LCOR: variants seen among roughly 807,000 people sequenced by gnomAD.
The protein encoded by LCOR is ligand dependent nuclear receptor corepressor.
A neutral mutation model predicts 64.4 loss-of-function variants in LCOR; 14 were observed. The observed-to-expected ratio is 0.22, with a 90% CI of 0.14 to 0.34. The LOEUF is 0.34. Among genes scored for constraint, LCOR ranks in the 10% least tolerant of loss-of-function variants. The probability of loss-of-function intolerance (pLI) is 1.00; values close to 1 mark genes in which losing one functional copy is unlikely to be tolerated. For synonymous variants in LCOR, 643 were observed against 642.5 expected, an observed-to-expected ratio of 1.00 and a Z score of -0.01; for missense variants, 1,686 against 1,765.3, an observed-to-expected ratio of 0.96 and a Z score of 0.80.
chr10:96,956,624 A>G (rs1425200688), intron 7 of LCOR: 1 of 985,760 alleles, frequency 1.0e-6, no homozygotes, highest in Non-Finnish European at 1.2e-6. Context: ...GAAATGCTTC[A>G]GTTAATTACT....
intron 2 of LCOR, among the ~76,000 whole-genome samples, chr10:96,872,422 G>A (rs1432011541): frequency 6.6e-6 from 1 of 152,248 alleles, no homozygotes; most frequent in African/African-American, 2.4e-5. Context: ...GCTGGGTGTG[G>A]TGGCTCACAC....
rs1848206274 is a variant in LCOR, at chr10:96,992,142, A to T, written c.*7008A>T. ...TACCACAGGTAGGGATTATTTTTAG[A>T]GTCACTATAGCTTAAGGTTATTGAT... On this transcript the variant is annotated 3_prime_UTR_variant, in exon 8 of 8. Coordinates refer to ENST00000421806, the MANE Select transcript of LCOR (RefSeq NM_001346516.2). The T allele has an allele frequency of 6.6e-6, 1 of 152,038 alleles. No individual in the cohort carries two copies. Among genetic ancestry groups the T allele is most frequent in the African/African-American group, 2.4e-5 (1 of 41,398 alleles). 9.4% of individuals were successfully genotyped at this position (152,038 alleles called of 1,614,324 possible).
At chr10:96,920,558 GTATA>G (rs1324976980) in intron 4 of LCOR, among the ~76,000 whole-genome samples, 5 of 144,794 alleles carry the variant, frequency 3.5e-5, no homozygotes, top group Non-Finnish European at 6.0e-5. Flanking sequence ...ATATATATGT[GTATA>G]TATGTATGTA....
chr10:96,853,367 A>G (rs999529980), intron 2 of LCOR, among the ~76,000 whole-genome samples: 3 of 152,196 alleles, frequency 2.0e-5, no homozygotes, highest in Non-Finnish European at 4.4e-5. Context: ...TTTTAACATC[A>G]TAAACGGAAG....
chr10:96,903,779 G>A (rs1419069829), intron 2 of LCOR, among the ~76,000 whole-genome samples: 1 of 152,252 alleles, frequency 6.6e-6, no homozygotes. Flanking sequence ...TCTATCTTCT[G>A]TTTTCGAGAG....
At chr10:96,887,733 T>C (rs1276872965) in intron 2 of LCOR, among the ~76,000 whole-genome samples, 2 of 151,448 alleles carry the variant, frequency 1.3e-5, no homozygotes, top group Admixed American at 6.6e-5. Context: ...CAGGCTATAG[T>C]GCAATGGCGC....
Position 96,988,362 on chromosome 10 carries a change from C to G in LCOR, c.*3228C>G, listed in dbSNP as rs896762218. ...CCCTTGGATTCCTTGTTAAAGACTT[C>G]TGTGCAGCCTTATCTAAAATGATAA... On this transcript the variant is annotated 3_prime_UTR_variant, in exon 8 of 8. Transcript: ENST00000421806. 1 of 152,210 alleles carries G rather than the reference C, an allele frequency of 6.6e-6. No individual in the cohort carries two copies. The highest frequency in any genetic ancestry group is 6.5e-5 in the Admixed American group (1 of 15,280). The allele number at this position is 152,210 out of a possible 1,614,324, so 9.4% of individuals were successfully genotyped here.
intron 1 of LCOR, 144 bp from the exon 2 acceptor site, chr10:96,833,262 C>A: frequency 1.0e-6 from 1 of 958,268 alleles, no homozygotes; most frequent in Non-Finnish European, 1.2e-6. Context: ...CCCGTCCGCC[C>A]CCCGCCTCCC....
At chr10:96,895,549 C>T (rs1460130438) in intron 2 of LCOR, among the ~76,000 whole-genome samples, 1 of 152,312 alleles carries the variant, frequency 6.6e-6, no homozygotes, top group East Asian at 1.9e-4. Context: ...TACCACTACC[C>T]AGATATAAAA....
chr10:96,887,793 G>T (rs2134427802), intron 2 of LCOR, among the ~76,000 whole-genome samples: 1 of 150,316 alleles, frequency 6.7e-6, no homozygotes, highest in South Asian at 2.1e-4. Flanking sequence ...TAATTCTTCT[G>T]CCTCAGCCTC....
rs529996807 is a variant in LCOR at position 96,953,934 on chromosome 10, T to A, written c.332+1738T>A. Among the ~76,000 whole-genome samples the A allele has an allele frequency of 2.6e-5, 4 of 152,378 alleles. No individual in the cohort carries two copies. The East Asian group carries it at 7.7e-4, about 29-fold the overall frequency. On this transcript the variant is annotated intron_variant, in intron 7 of 7. Transcript: ENST00000421806. ...ATCCCCTTGGGCATGTTTTGCCACA[T>A]GTCAGTCTTAATATTGATAATCTTT...
At chr10:96,964,730 A>G (rs1847930825) in intron 7 of LCOR, among the ~76,000 whole-genome samples, 1 of 152,204 alleles carries the variant, frequency 6.6e-6, no homozygotes, top group East Asian at 1.9e-4. Flanking sequence ...TAAAAAATGT[A>G]TTCAGCTAAA....
At chr10:96,906,588 C>CT (rs978667740) in intron 2 of LCOR, among the ~76,000 whole-genome samples, 1 of 152,082 alleles carries the variant, frequency 6.6e-6, no homozygotes, top group Non-Finnish European at 1.5e-5. Flanking sequence ...TCATTTTCTA[C>CT]TTTTTTCACA....
chr10:96,838,087 A>G (rs530248065), intron 2 of LCOR, among the ~76,000 whole-genome samples: 1 of 152,328 alleles, frequency 6.6e-6, no homozygotes, highest in African/African-American at 2.4e-5. Context: ...TCTGGGGGTA[A>G]AAATCCAATA....
rs529494221 is a variant in LCOR at position 96,993,884 on chromosome 10, C to T, written c.*8750C>T. 2.6e-5 allele frequency: 4 copies of T among 151,892 alleles called. No homozygotes were observed. Among genetic ancestry groups the T allele is most frequent in the Non-Finnish European group, 5.9e-5 (4 of 67,992 alleles). The allele number at this position is 151,892 out of a possible 1,614,324, so 9.4% of individuals were successfully genotyped here. A position where few individuals can be genotyped will look rare whatever the true frequency, so the allele number is the denominator to read the frequency against. On this transcript the variant is annotated 3_prime_UTR_variant, in exon 8 of 8. Coordinates refer to ENST00000421806, the MANE Select transcript of LCOR (RefSeq NM_001346516.2). ...TAAGCAATAAGATCCTAGGTAATAA[C>T]ATTTATTCCAGGGCCCACATTGGCC...
At chr10:96,847,419 T>C (rs1845649578) in intron 2 of LCOR, among the ~76,000 whole-genome samples, 1 of 151,752 alleles carries the variant, frequency 6.6e-6, no homozygotes, top group African/African-American at 2.4e-5. Context: ...TATTTATTTA[T>C]TTATTTATTT....
At chr10:96,972,388 C>A (rs1004286593) in intron 7 of LCOR, among the ~76,000 whole-genome samples, 3 of 151,970 alleles carry the variant, frequency 2.0e-5, no homozygotes, top group African/African-American at 7.3e-5. Flanking sequence ...GGGAAAAAAA[C>A]CACAGAAGTA....
intron 4 of LCOR, among the ~76,000 whole-genome samples, chr10:96,914,488 C>T (rs546704522): frequency 2.0e-5 from 3 of 152,360 alleles, no homozygotes; most frequent in South Asian, 2.1e-4. Flanking sequence ...CGAGCCACCG[C>T]GCCTGGCCTT....
chr10:96,964,512 G>A (rs572876095), intron 7 of LCOR: 1 of 152,036 alleles, frequency 6.6e-6, no homozygotes, highest in African/African-American at 2.4e-5. Flanking sequence ...GTAAAAGTTG[G>A]ATTGTACTCC....
Sources: allele counts gnomAD v4.1 joint callset (sites outside exome capture counted in the v4.1 genomes callset), GRCh38; gene constraint gnomAD v4.1.1; transcripts MANE v1.5; gene names NCBI Gene and HGNC (gene_info 2026-07-23, HGNC 2026-07-21).